Variants in ADAMTS17 observed in about 807,000 individuals in gnomAD.
ADAMTS17 encodes ADAM metallopeptidase with thrombospondin type 1 motif 17, also known as A disintegrin and metalloproteinase with thrombospondin motifs 17.
In ADAMTS17, 113 loss-of-function variants were observed where a neutral mutation model predicts 141.5. The observed-to-expected ratio is 0.80, with a 90% CI of 0.69 to 0.93. The LOEUF (loss-of-function observed/expected upper bound fraction) is 0.93, where lower values mean the gene tolerates loss of function less well. Among genes scored for constraint, ADAMTS17 ranks in the 40% least tolerant of loss-of-function variants. The probability of loss-of-function intolerance (pLI) is 0.00; values close to 1 mark genes in which losing one functional copy is unlikely to be tolerated. For missense variants in ADAMTS17, 1,659 were observed against 1,517.9 expected (o/e 1.09, Z -1.54); for synonymous variants, 768 against 630.6 (o/e 1.22, Z -3.27).
intron 15 of ADAMTS17, among the ~76,000 whole-genome samples, chr15:100,060,825 A>G (rs1271491006): frequency 6.6e-6 from 1 of 152,234 alleles, no homozygotes; most frequent in African/African-American, 2.4e-5. Flanking sequence ...TTCTTCAGGA[A>G]TTGCTCCCAG....
At chr15:100,028,790 T>C (rs1002339260) in intron 18 of ADAMTS17, among the ~76,000 whole-genome samples, 2 of 152,228 alleles carry the variant, frequency 1.3e-5, no homozygotes, top group Non-Finnish European at 2.9e-5. Flanking sequence ...TGAGCTGCCA[T>C]GCTCTTTGCC....
intron 9 of ADAMTS17, among the ~76,000 whole-genome samples, chr15:100,154,575 G>C (rs1478492446): frequency 6.6e-6 from 1 of 152,308 alleles, no homozygotes; most frequent in East Asian, 1.9e-4. Flanking sequence ...ACCCAACCCT[G>C]AGGTCTTGAC....
chr15:100,275,882 T>A (rs531475568), intron 4 of ADAMTS17, among the ~76,000 whole-genome samples: 44 of 148,220 alleles, frequency 3.0e-4, no homozygotes, highest in Non-Finnish European at 5.7e-4. Flanking sequence ...TGCTATCAGC[T>A]CTCTGAGGCA....
intron 8 of ADAMTS17, among the ~76,000 whole-genome samples, chr15:100,165,677 G>C (rs575438085): frequency 6.6e-6 from 1 of 152,302 alleles, no homozygotes; most frequent in South Asian, 2.1e-4. Flanking sequence ...TACTGTGAGG[G>C]GCTGTGCTAA....
chr15:100,237,321 C>T (rs571262706), intron 7 of ADAMTS17, among the ~76,000 whole-genome samples: 86 of 152,334 alleles, frequency 5.6e-4, no homozygotes, highest in African/African-American at 2.0e-3. Flanking sequence ...CTGCTCTTTG[C>T]TTTAACTGCT....
intron 9 of ADAMTS17, among the ~76,000 whole-genome samples, chr15:100,154,255 C>T (rs1199340000): frequency 2.0e-5 from 3 of 152,132 alleles, no homozygotes; most frequent in African/African-American, 7.2e-5. Flanking sequence ...CATCAAGGGG[C>T]TTACAGCATT....
intron 15 of ADAMTS17, among the ~76,000 whole-genome samples, chr15:100,085,727 T>G (rs1234898627): frequency 6.7e-6 from 1 of 149,992 alleles, no homozygotes; most frequent in Non-Finnish European, 1.5e-5. Context: ...CAAGCCAGAA[T>G]TTCATATCCA....
intron 20 of ADAMTS17, among the ~76,000 whole-genome samples, chr15:99,985,988 G>A (rs2060577033): frequency 6.6e-6 from 1 of 152,238 alleles, no homozygotes; most frequent in Non-Finnish European, 1.5e-5. Context: ...ACTATAGCCA[G>A]CTCCTTGTCT....
Position 99,977,381 on chromosome 15 carries a change from TATATATATATATATATATA to T in ADAMTS17, c.2950-1178_2950-1160del, listed in dbSNP as rs1474895235. Among the ~76,000 whole-genome samples, 144 of 27,546 alleles carry T rather than the reference TATATATATATATATATATA, an allele frequency of 5.2e-3. 21 individuals are homozygous for T. Among genetic ancestry groups the T allele is most frequent in the African/African-American group, 0.012 (61 of 5,122 alleles). The allele number at this position is 27,546 out of a possible 152,430, so 18.1% of individuals were successfully genotyped here. A position where few individuals can be genotyped will look rare whatever the true frequency, so the allele number is the denominator to read the frequency against. ...ATATATATATATATATATATATATA[TATATATATATATATATATA>T]ATTTTTTTTTTTTTTTTTTTTTTTT... On this transcript the variant is annotated intron_variant, in intron 20 of 21. Coordinates refer to ENST00000268070, the MANE Select transcript of ADAMTS17 (RefSeq NM_139057.4).
intron 18 of ADAMTS17, among the ~76,000 whole-genome samples, chr15:100,027,321 A>G (rs1413473774): frequency 6.6e-6 from 1 of 151,812 alleles, no homozygotes; most frequent in Admixed American, 6.6e-5. Flanking sequence ...ATTTTGTCAG[A>G]GCATATAACA....
intron 6 of ADAMTS17, among the ~76,000 whole-genome samples, chr15:100,257,932 C>T (rs2043381210): frequency 6.6e-6 from 1 of 152,200 alleles, no homozygotes; most frequent in African/African-American, 2.4e-5. Flanking sequence ...TCTCCCCAGC[C>T]TCTGACAACC....
At chr15:100,340,646 C>T (rs1424463055) in intron 2 of ADAMTS17, among the ~76,000 whole-genome samples, 1 of 152,186 alleles carries the variant, frequency 6.6e-6, no homozygotes, top group East Asian at 1.9e-4. Flanking sequence ...TACACAGGTA[C>T]TCCCGTGACA....
At chr15:100,109,470 T>C (rs2036611930) in intron 13 of ADAMTS17, among the ~76,000 whole-genome samples, 1 of 121,788 alleles carries the variant, frequency 8.2e-6, no homozygotes, top group Non-Finnish European at 1.8e-5. Flanking sequence ...GCCACTCTTA[T>C]AGCGAGGGTG....
At chr15:100,295,767 G>A (rs117843958) in intron 3 of ADAMTS17, among the ~76,000 whole-genome samples, 1,703 of 152,284 alleles carry the variant, frequency 0.011, 15 homozygotes, top group Non-Finnish European at 0.017. Flanking sequence ...TACCTAGCAT[G>A]GTTCCAGCTT....
intron 13 of ADAMTS17, among the ~76,000 whole-genome samples, chr15:100,111,152 G>A (rs188472489): frequency 6.6e-6 from 1 of 152,272 alleles, no homozygotes; most frequent in African/African-American, 2.4e-5. Context: ...ACCAAGCAGG[G>A]ACTGACCCCT....
chr15:100,198,315 A>T (rs2041197380), intron 8 of ADAMTS17, among the ~76,000 whole-genome samples: 1 of 152,258 alleles, frequency 6.6e-6, no homozygotes, highest in African/African-American at 2.4e-5. Flanking sequence ...AACAAAAAGT[A>T]AAGCCACAGA....
chr15:100,210,901 A>G (rs1319728043), intron 7 of ADAMTS17, among the ~76,000 whole-genome samples: 1 of 152,090 alleles, frequency 6.6e-6, no homozygotes. Context: ...GGAGATCGAG[A>G]CCATCCTGGC....
chr15:100,188,146 G>A (rs766291099), intron 8 of ADAMTS17, among the ~76,000 whole-genome samples: 10 of 151,928 alleles, frequency 6.6e-5, no homozygotes, highest in Non-Finnish European at 1.2e-4. Context: ...GCGTGATTTC[G>A]GCTCACTGTA....
At chr15:100,081,097 C>T (rs1308241758) in intron 15 of ADAMTS17, among the ~76,000 whole-genome samples, 1 of 152,096 alleles carries the variant, frequency 6.6e-6, no homozygotes, top group East Asian at 1.9e-4. Context: ...GAAGGCAGAT[C>T]CACCCTTAAT....
Sources: gnomAD v4.1 joint callset for allele counts (sites outside exome capture counted in the v4.1 genomes callset) on GRCh38, gnomAD v4.1.1 for gene constraint, MANE v1.5 for transcripts, NCBI Gene and HGNC (gene_info 2026-07-23, HGNC 2026-07-21) for gene names.